ADGRL3: variants seen among roughly 807,000 people sequenced by gnomAD.
ADGRL3 encodes adhesion G protein-coupled receptor L3, also known as calcium-independent alpha-latrotoxin receptor 3.
In ADGRL3, 62 loss-of-function variants were observed where a neutral mutation model predicts 153.5. That is an observed-to-expected ratio of 0.40 (90% CI 0.33 to 0.50). The LOEUF (loss-of-function observed/expected upper bound fraction) is 0.50, where lower values mean the gene tolerates loss of function less well. Ranked by LOEUF, ADGRL3 falls within the 20% of genes least tolerant of loss-of-function variation. The probability of loss-of-function intolerance (pLI) is 0.47; values close to 1 mark genes in which losing one functional copy is unlikely to be tolerated. For missense variants in ADGRL3, 1,641 were observed against 1,859.4 expected, an observed-to-expected ratio of 0.88 and a Z score of 2.16; for synonymous variants, 710 against 672.5, an observed-to-expected ratio of 1.06 and a Z score of -0.86.
chr4:61,717,758 G>A (rs1390389975), intron 6 of ADGRL3, among the ~76,000 whole-genome samples: 1 of 152,004 alleles, frequency 6.6e-6, no homozygotes, highest in Non-Finnish European at 1.5e-5. Flanking sequence ...ATGGGGCTGG[G>A]CATTGTGGCT....
Position 62,071,928 on chromosome 4 carries a change from C to T in ADGRL3, c.*1020C>T, listed in dbSNP as rs1745799117. On this transcript the variant is annotated 3_prime_UTR_variant, in exon 27 of 27. Coordinates refer to ENST00000683033, the MANE Select transcript of ADGRL3 (RefSeq NM_001387552.1). ...CTTTATGCAGTCAGAATATTTCCAA[C>T]AGTGTTTTTTGCAAATTAGAGCAGG... The T allele has an allele frequency of 7.6e-6, 2 of 263,944 alleles. No homozygotes were observed. The highest frequency in any genetic ancestry group is 7.7e-5 in the South Asian group (2 of 26,048). The allele number at this position is 263,944 out of a possible 1,614,324, so 16.4% of individuals were successfully genotyped here. A position where few individuals can be genotyped will look rare whatever the true frequency, so the allele number is the denominator to read the frequency against.
intron 19 of ADGRL3, among the ~76,000 whole-genome samples, chr4:61,990,081 A>G (rs1479606584): frequency 6.6e-6 from 1 of 152,028 alleles, no homozygotes; most frequent in Non-Finnish European, 1.5e-5. Context: ...TCCATGTTAA[A>G]ACTTGTATGC....
intron 1 of ADGRL3, among the ~76,000 whole-genome samples, chr4:61,348,027 G>A (rs1364866652): frequency 6.6e-6 from 1 of 151,890 alleles, no homozygotes; most frequent in Non-Finnish European, 1.5e-5. Flanking sequence ...ACTTGTTAAT[G>A]TTTCCTCATC....
chr4:61,216,171 T>C lies in ADGRL3; in HGVS notation c.-240+14406T>C, dbSNP rs372473775. The stretch of plus-strand genomic sequence containing the variant: ...AGTATTGCATGTGGTAATAGCATAT[T>C]TTAAAAAGACGAAATAGATTAGACT... On this transcript the variant is annotated intron_variant, in intron 1 of 26. Transcript: ENST00000683033. Among the ~76,000 whole-genome samples the C allele has an allele frequency of 2.2e-4, 33 of 152,284 alleles. No individual in the cohort carries two copies. In the South Asian group the frequency reaches 6.0e-3, roughly 28 times the overall value.
intron 13 of ADGRL3, among the ~76,000 whole-genome samples, chr4:61,928,598 C>T (rs1026356794): frequency 6.6e-6 from 1 of 152,020 alleles, no homozygotes; most frequent in African/African-American, 2.4e-5. Flanking sequence ...TGGAAATTAC[C>T]TTTGGAAACA....
chr4:62,056,530 A>G (rs1286431751), intron 25 of ADGRL3, among the ~76,000 whole-genome samples: 3 of 151,900 alleles, frequency 2.0e-5, no homozygotes, highest in African/African-American at 7.2e-5. Flanking sequence ...CATAGATCTC[A>G]TCTCCCTGTG....
intron 1 of ADGRL3, among the ~76,000 whole-genome samples, chr4:61,305,643 C>T (rs1448990204): frequency 6.6e-6 from 1 of 151,964 alleles, no homozygotes; most frequent in Non-Finnish European, 1.5e-5. Context: ...AAGTCGGTCC[C>T]CCAAAAGATA....
intron 9 of ADGRL3, among the ~76,000 whole-genome samples, chr4:61,819,425 T>C (rs1276962540): frequency 6.6e-6 from 1 of 152,108 alleles, no homozygotes; most frequent in African/African-American, 2.4e-5. Flanking sequence ...ATTGAAAATA[T>C]GAGCAACATC....
intron 15 of ADGRL3, among the ~76,000 whole-genome samples, chr4:61,936,855 A>G (rs1452569513): frequency 6.6e-6 from 1 of 151,718 alleles, no homozygotes; most frequent in African/African-American, 2.4e-5. Flanking sequence ...AGATCATTTA[A>G]TCTGCCAAGT....
intron 6 of ADGRL3, among the ~76,000 whole-genome samples, chr4:61,712,028 T>G (rs1043967466): frequency 6.6e-6 from 1 of 151,950 alleles, no homozygotes; most frequent in African/African-American, 2.4e-5. Context: ...GCAACAAAAA[T>G]TATATTTCAC....
chr4:61,928,820 A>G (rs1373701055), intron 13 of ADGRL3, among the ~76,000 whole-genome samples: 1 of 152,094 alleles, frequency 6.6e-6, no homozygotes, highest in East Asian at 1.9e-4. Flanking sequence ...TTAAAGAAAT[A>G]AAAAAGGATG....
rs75021206 is a variant in ADGRL3 at position 61,882,761 on chromosome 4, T to G, written c.1481-9895T>G. On this transcript the variant is annotated intron_variant, in intron 9 of 26. Coordinates refer to ENST00000683033, the MANE Select transcript of ADGRL3 (RefSeq NM_001387552.1). ...ATTTAACTCCCTCACTTTGCCTCTT[T>G]TATCAAAATCTTTATTGTCATCTTA... Among the ~76,000 whole-genome samples the G allele has an allele frequency of 8.6e-3, 1,316 of 152,290 alleles. 17 individuals carry two copies. Among genetic ancestry groups the G allele is most frequent in the African/African-American group, 0.031 (1,271 of 41,556 alleles).
intron 1 of ADGRL3, among the ~76,000 whole-genome samples, chr4:61,301,235 C>T (rs2094572731): frequency 6.6e-6 from 1 of 152,102 alleles, no homozygotes; most frequent in African/African-American, 2.4e-5. Context: ...CTGGGACTGC[C>T]ATTTTATTAT....
At chr4:62,067,969 T>C (rs1199668941) in intron 25 of ADGRL3, among the ~76,000 whole-genome samples, 197 bp from the exon 26 acceptor site, 1 of 152,096 alleles carries the variant, frequency 6.6e-6, no homozygotes, top group Non-Finnish European at 1.5e-5. Context: ...GATTTCTTAT[T>C]TTCTGACTAA....
intron 2 of ADGRL3, among the ~76,000 whole-genome samples, chr4:61,456,458 T>TATAG (rs1553934156): frequency 7.9e-6 from 1 of 126,638 alleles, no homozygotes; most frequent in African/African-American, 3.0e-5. Flanking sequence ...TATATCTATA[T>TATAG]ATATAGATAT....
chr4:62,039,355 C>T (rs1354194899), intron 24 of ADGRL3, among the ~76,000 whole-genome samples: 2 of 152,140 alleles, frequency 1.3e-5, no homozygotes, highest in Non-Finnish European at 2.9e-5. Context: ...ACAATTTCCT[C>T]ACCAATTGAG....
chr4:61,815,642 A>T (rs1161290695), intron 9 of ADGRL3, among the ~76,000 whole-genome samples: 6 of 152,250 alleles, frequency 3.9e-5, no homozygotes, highest in African/African-American at 1.4e-4. Flanking sequence ...ATCCCTGCCA[A>T]AATTCATATT....
intron 2 of ADGRL3, among the ~76,000 whole-genome samples, chr4:61,419,968 T>C: frequency 6.6e-6 from 1 of 151,714 alleles, no homozygotes; most frequent in Non-Finnish European, 1.5e-5. Flanking sequence ...TGATATTTTT[T>C]TTTATATATG....
intron 1 of ADGRL3, among the ~76,000 whole-genome samples, chr4:61,362,614 TATGA>T (rs2096305176): frequency 9.2e-5 from 14 of 152,100 alleles, no homozygotes; most frequent in African/African-American, 3.4e-4. Context: ...AAGAAAATCA[TATGA>T]AAGAGATAAT....
Sources: gnomAD v4.1 joint callset for allele counts (sites outside exome capture counted in the v4.1 genomes callset) on GRCh38, gnomAD v4.1.1 for gene constraint, MANE v1.5 for transcripts, NCBI Gene and HGNC (gene_info 2026-07-23, HGNC 2026-07-21) for gene names.